Variants in ATF7IP observed in about 807,000 individuals in gnomAD.
ATF7IP encodes activating transcription factor 7 interacting protein, also known as activating transcription factor 7-interacting protein 1.
ATF7IP carries 23 observed loss-of-function variants against 106.4 expected under a neutral mutation model. That is an observed-to-expected ratio of 0.22 (90% CI 0.16 to 0.31). ATF7IP has a LOEUF of 0.31. Ranked by LOEUF, ATF7IP falls within the 10% of genes least tolerant of loss-of-function variation. The pLI is 1.00. For missense variants in ATF7IP, 1,334 were observed against 1,524.3 expected (o/e 0.88, Z 2.08); for synonymous variants, 542 against 539.0 (o/e 1.01, Z -0.08).
In ATF7IP at chr12:14,481,738, A is replaced by G. The variant is rs142771749; in HGVS notation, c.3280+553A>G. On this transcript the variant is annotated intron_variant, in intron 13 of 14. Coordinates refer to ENST00000261168, the MANE Select transcript of ATF7IP (RefSeq NM_018179.5). ...TTGATATTGGTATATTCTCTACTCT[A>G]TTAAGAAACACCTTACCTAGTTAGA... is the stretch of plus-strand genomic sequence containing the variant. The G allele has an allele frequency of 5.4e-3, 1,352 of 250,428 alleles. 6 individuals carry two copies. Among genetic ancestry groups the G allele is most frequent in the East Asian group, 0.014 (102 of 7,452 alleles). The allele number at this position is 250,428 out of a possible 1,614,324, so 15.5% of individuals were successfully genotyped here. A position where few individuals can be genotyped will look rare whatever the true frequency, so the allele number is the denominator to read the frequency against.
chr12:14,416,448 T>A (rs528335284), intron 1 of ATF7IP, among the ~76,000 whole-genome samples: 1 of 152,356 alleles, frequency 6.6e-6, no homozygotes, highest in Non-Finnish European at 1.5e-5. Context: ...AAGGTTTTGC[T>A]TGATGTTTTC....
chr12:14,439,843 CCAT>C (rs1942609860), intron 5 of ATF7IP, among the ~76,000 whole-genome samples: 1 of 43,708 alleles, frequency 2.3e-5, no homozygotes, highest in African/African-American at 5.5e-5. Context: ...CAAAATAAAT[CCAT>C]CCATCCATCC....
At position 14,500,933 on chromosome 12, in the gene ATF7IP, C is replaced by G. The variant is rs2900333; in HGVS notation, c.*2860C>G. Reference sequence around the variant, plus strand: ...TTGGAAGGAAGGTACAGGGAGAAATCGCAATTATTTAGGGGAGAAGTATAT... The same window carrying G: ...TTGGAAGGAAGGTACAGGGAGAAATGGCAATTATTTAGGGGAGAAGTATAT... On this transcript the variant is annotated 3_prime_UTR_variant, in exon 15 of 15. Coordinates refer to ENST00000261168, the MANE Select transcript of ATF7IP (RefSeq NM_018179.5). 6.6e-6 allele frequency: 1 copy of G among 151,900 alleles called. No individual in the cohort carries two copies. The highest frequency in any genetic ancestry group is 1.5e-5 in the Non-Finnish European group (1 of 67,956). The allele number at this position is 151,900 out of a possible 1,614,324, so 9.4% of individuals were successfully genotyped here.
rs1442044156 is a variant in ATF7IP, at chr12:14,388,035, C to T, written c.-8+22208C>T. On this transcript the variant is annotated intron_variant, in intron 1 of 14. Coordinates refer to ENST00000261168, the MANE Select transcript of ATF7IP (RefSeq NM_018179.5). ...CTTTCTTTTTTTTTTTTTTTTGAGA[C>T]GGAGTTTCACTCTTATGGCACAGGC... Among the ~76,000 whole-genome samples, 13 of 135,388 alleles carry T rather than the reference C, an allele frequency of 9.6e-5. No individual in the cohort carries two copies. In the East Asian group the frequency reaches 1.0e-3, roughly 11 times the overall value. The allele number at this position is 135,388 out of a possible 152,430, so 88.8% of individuals were successfully genotyped here.
chr12:14,433,782 A>G (rs1338480332), intron 2 of ATF7IP, among the ~76,000 whole-genome samples: 3 of 152,166 alleles, frequency 2.0e-5, no homozygotes, highest in Non-Finnish European at 4.4e-5. Context: ...TGATAACTAT[A>G]TTAAGCACCT....
At chr12:14,470,882 A>T (rs899858833) in intron 10 of ATF7IP, among the ~76,000 whole-genome samples, 1 of 152,240 alleles carries the variant, frequency 6.6e-6, no homozygotes, top group African/African-American at 2.4e-5. Flanking sequence ...AATAAAAATC[A>T]TAATTTATCA....
In ATF7IP at chr12:14,425,126, C is replaced by T. The variant is rs1941770363; in HGVS notation, c.1211C>T (p.Ala404Val). ...GAAAAGAATGAAGATGAAACTTCTG[C>T]AGATCTTGTAGAAACGATTAATGAA... The part of the protein sequence containing the change: ...QGEKNEDETS[A>V]DLVETINENV... Residue 404 changes from alanine to valine, a missense_variant, in exon 2 of 15, where the codon GCA becomes GTA. Ala to Val is a moderately conservative substitution (Grantham distance 64, BLOSUM62 0). Transcript: ENST00000261168. 1 of 1,588,952 alleles carries T rather than the reference C, an allele frequency of 6.3e-7. No individual in the cohort carries two copies. Among genetic ancestry groups the T allele is most frequent in the Non-Finnish European group, 8.5e-7 (1 of 1,173,074 alleles).
chr12:14,406,189 C>T (rs1940571038), intron 1 of ATF7IP, among the ~76,000 whole-genome samples: 1 of 152,024 alleles, frequency 6.6e-6, no homozygotes, highest in East Asian at 1.9e-4. Context: ...ACCTCAGCCT[C>T]CTGGGTTCAA....
rs1369595506 is a variant in ATF7IP, at chr12:14,502,115, T to TATC, written c.*4044_*4046dup. On this transcript the variant is annotated 3_prime_UTR_variant, in exon 15 of 15. Transcript: ENST00000261168. ...TCAACATCCTAAGATTTTGTTGTTT[T>TATC]ATCACTGACCTGTGGTTGGCCTGTT... 1.3e-5 allele frequency: 2 copies of TATC among 152,224 alleles called. No homozygotes were observed. The highest frequency in any genetic ancestry group is 4.8e-5 in the African/African-American group (2 of 41,472). 9.4% of individuals were successfully genotyped at this position (152,224 alleles called of 1,614,324 possible). A position where few individuals can be genotyped will look rare whatever the true frequency, so the allele number is the denominator to read the frequency against.
intron 1 of ATF7IP, among the ~76,000 whole-genome samples, chr12:14,416,143 A>G (rs1053771058): frequency 1.3e-5 from 2 of 152,140 alleles, no homozygotes; most frequent in African/African-American, 4.8e-5. Flanking sequence ...GAGTATTGCA[A>G]ATTCTCAAGC....
At chr12:14,416,845 T>G (rs1452781872) in intron 1 of ATF7IP, 3 of 916,108 alleles carry the variant, frequency 3.3e-6, no homozygotes, top group East Asian at 2.4e-4. Flanking sequence ...ACAGTGAATT[T>G]CAGTTCTCTC....
intron 2 of ATF7IP, among the ~76,000 whole-genome samples, chr12:14,427,008 ATAATGT>A (rs1941888914): frequency 6.6e-6 from 1 of 152,278 alleles, no homozygotes; most frequent in East Asian, 1.9e-4. Context: ...GAGTACAGTG[ATAATGT>A]TAAATTGGCA....
chr12:14,446,873 A>C (rs953069456), intron 5 of ATF7IP, 115 bp from the exon 6 acceptor site: 6 of 640,676 alleles, frequency 9.4e-6, no homozygotes, highest in East Asian at 3.0e-5. Flanking sequence ...TTACTCAGCT[A>C]TCTTCTGAGG....
intron 5 of ATF7IP, among the ~76,000 whole-genome samples, chr12:14,442,068 T>C (rs1942738518): frequency 6.6e-6 from 1 of 152,178 alleles, no homozygotes; most frequent in Non-Finnish European, 1.5e-5. Context: ...TTTTCTTCTA[T>C]ATCTGATACC....
intron 6 of ATF7IP, among the ~76,000 whole-genome samples, chr12:14,451,536 A>C (rs921095111): frequency 6.6e-6 from 1 of 150,636 alleles, no homozygotes; most frequent in Admixed American, 6.6e-5. Context: ...CACTGTTTTC[A>C]CTGCATACAA....
At chr12:14,385,488 A>C (rs983026090) in intron 1 of ATF7IP, 1 of 1,235,928 alleles carries the variant, frequency 8.1e-7, no homozygotes, top group African/African-American at 1.5e-5. Context: ...AGAGGGGTGA[A>C]CTTAGAGCTT....
intron 10 of ATF7IP, among the ~76,000 whole-genome samples, chr12:14,469,084 T>A (rs1024796507): frequency 3.9e-5 from 6 of 152,070 alleles, no homozygotes; most frequent in Non-Finnish European, 2.9e-5. Context: ...AATCTGGATG[T>A]CTCAGGCCAG....
At chr12:14,370,892 A>C (rs1204305926) in intron 1 of ATF7IP, among the ~76,000 whole-genome samples, 1 of 152,058 alleles carries the variant, frequency 6.6e-6, no homozygotes, top group Non-Finnish European at 1.5e-5. Context: ...TTTTTTGTTA[A>C]ACACAGACAA....
rs1401655522 is a variant in ATF7IP, at chr12:14,434,350, T to C, written c.1572T>C (p.Ser524=). 1 of 1,559,640 alleles carries C rather than the reference T, an allele frequency of 6.4e-7. No individual in the cohort carries two copies. Among genetic ancestry groups the C allele is most frequent in the South Asian group, 1.1e-5 (1 of 87,652 alleles). Reference sequence around the variant, plus strand: ...ATTTGTTAACAGCAGAAGTAGAAAGTAATGAAAAGGACAACAAACCTGAGG... The same window carrying C: ...ATTTGTTAACAGCAGAAGTAGAAAGCAATGAAAAGGACAACAAACCTGAGG... ...NETCSPAEVE[S]NEKDNKPEEE... The change falls in exon 3 of 15, where the codon AGT becomes AGC. Residue 524 remains serine (S), a synonymous_variant. Transcript: ENST00000261168.
Sources: gnomAD v4.1 joint callset for allele counts (sites outside exome capture counted in the v4.1 genomes callset) on GRCh38, gnomAD v4.1.1 for gene constraint, MANE v1.5 for transcripts, NCBI Gene and HGNC (gene_info 2026-07-23, HGNC 2026-07-21) for gene names.